SCAND3: variants seen among roughly 807,000 people sequenced by gnomAD.
The protein encoded by SCAND3 is SCAN domain-containing protein 3.
At chr6:28,584,912 T>G in the SCAND3 span, among the ~76,000 whole-genome samples, 1 of 152,232 alleles carries the variant, frequency 6.6e-6, no homozygotes, top group African/African-American at 2.4e-5. Flanking sequence ...CTTCCATCTT[T>G]TTTTCTTAAT....
At chr6:28,577,368 T>C in the SCAND3 span, among the ~76,000 whole-genome samples, 13 of 152,298 alleles carry the variant, frequency 8.5e-5, no homozygotes, top group East Asian at 7.7e-4. Flanking sequence ...TACTATCAAT[T>C]TGCATACCAA....
chr6:28,597,663 G>T, the SCAND3 span: 5 of 146,350 alleles, frequency 3.4e-5, no homozygotes, highest in African/African-American at 1.3e-4. Context: ...TATTAAATAC[G>T]TAGATCCTTG....
the SCAND3 span, among the ~76,000 whole-genome samples, chr6:28,583,366 A>G: frequency 6.6e-6 from 1 of 150,450 alleles, no homozygotes; most frequent in Non-Finnish European, 1.5e-5. Context: ...CAGGGGACAG[A>G]GCGAGACTCT....
chr6:28,575,402 G>A, the SCAND3 span: 10 of 1,613,994 alleles, frequency 6.2e-6, no homozygotes, highest in East Asian at 2.2e-5. The surrounding 1 kb of genome is among the most constrained non-coding windows in gnomAD (Gnocchi z 4.2). Context: ...TTGTCAGATT[G>A]TAGGACACTG....
the SCAND3 span, among the ~76,000 whole-genome samples, chr6:28,585,966 C>T: frequency 6.6e-6 from 1 of 152,282 alleles, no homozygotes; most frequent in South Asian, 2.1e-4. Context: ...TAATTAGTAA[C>T]AGAGCCTAGA....
At chr6:28,573,323 A>C in the SCAND3 span, 1 of 1,614,122 alleles carries the variant, frequency 6.2e-7, no homozygotes, top group Non-Finnish European at 8.5e-7. Context: ...GATTCACCCA[A>C]CATTTCCAAG....
chr6:28,605,481 C>T, the SCAND3 span, among the ~76,000 whole-genome samples: 56 of 152,018 alleles, frequency 3.7e-4, no homozygotes, highest in African/African-American at 4.3e-4. Flanking sequence ...CAATGGAGAA[C>T]GTATATCCTG....
chr6:28,597,016 C>T, the SCAND3 span, among the ~76,000 whole-genome samples: 2 of 152,266 alleles, frequency 1.3e-5, no homozygotes, highest in South Asian at 4.1e-4. Flanking sequence ...TATTCAGTTG[C>T]TCCTTCAGAA....
chr6:28,604,139 G>C, the SCAND3 span, among the ~76,000 whole-genome samples: 23 of 152,340 alleles, frequency 1.5e-4, 1 homozygote, highest in South Asian at 2.9e-3. Flanking sequence ...AGGGGAAAAA[G>C]ATTTGGCCCC....
chr6:28,608,844 C>T, the SCAND3 span, among the ~76,000 whole-genome samples: 7 of 151,602 alleles, frequency 4.6e-5, no homozygotes, highest in African/African-American at 1.7e-4. Flanking sequence ...TTTAAATTAG[C>T]AGGGCATGGT....
At chr6:28,606,837 C>A in the SCAND3 span, among the ~76,000 whole-genome samples, 2 of 152,202 alleles carry the variant, frequency 1.3e-5, no homozygotes, top group Admixed American at 6.5e-5. Flanking sequence ...TTGACGCCCC[C>A]CTACAGTTTC....
chr6:28,575,798 G>C, the SCAND3 span: 1 of 1,613,894 alleles, frequency 6.2e-7, no homozygotes, highest in African/African-American at 1.3e-5. The surrounding 1 kb of genome is among the most constrained non-coding windows in gnomAD (Gnocchi z 4.2). Flanking sequence ...TCCTCACTGT[G>C]TAAGTAATAC....
the SCAND3 span, among the ~76,000 whole-genome samples, chr6:28,615,093 T>C: frequency 3.9e-5 from 6 of 152,176 alleles, no homozygotes; most frequent in African/African-American, 1.2e-4. Context: ...AGACAATAGT[T>C]AATCTTGCCT....
chr6:28,608,465 C>T, the SCAND3 span, among the ~76,000 whole-genome samples: 2 of 152,084 alleles, frequency 1.3e-5, no homozygotes, highest in African/African-American at 4.8e-5. Flanking sequence ...ACTCATTTTA[C>T]AAACACATTT....
At chr6:28,573,248 G>C in the SCAND3 span, 1 of 1,614,114 alleles carries the variant, frequency 6.2e-7, no homozygotes, top group South Asian at 1.1e-5. Context: ...TCATTAGCCA[G>C]TTCCTGAATA....
At chr6:28,609,191 A>G in the SCAND3 span, among the ~76,000 whole-genome samples, 26 of 152,358 alleles carry the variant, frequency 1.7e-4, no homozygotes, top group Middle Eastern at 3.4e-3. Context: ...TAATTAAAGG[A>G]TTAACTATTG....
chr6:28,575,410 C>T, the SCAND3 span: 1 of 1,613,990 alleles, frequency 6.2e-7, no homozygotes, highest in East Asian at 2.2e-5. The surrounding 1 kb of genome is among the most constrained non-coding windows in gnomAD (Gnocchi z 4.2). Flanking sequence ...TTGTAGGACA[C>T]TGGGTGCTCC....
At chr6:28,584,643 G>A in the SCAND3 span, among the ~76,000 whole-genome samples, 2 of 152,112 alleles carry the variant, frequency 1.3e-5, no homozygotes, top group African/African-American at 2.4e-5. Flanking sequence ...CTGGATCAAT[G>A]CATCCAAATT....
chr6:28,606,502 C>CT, the SCAND3 span, among the ~76,000 whole-genome samples: 1 of 152,136 alleles, frequency 6.6e-6, no homozygotes, highest in Admixed American at 6.6e-5. Context: ...CCTAATTCAT[C>CT]TTTTTTTCAG....
Sources: allele counts gnomAD v4.1 joint callset (sites outside exome capture counted in the v4.1 genomes callset), GRCh38; gene constraint gnomAD v4.1.1; non-coding constraint Gnocchi (gnomAD v3.1); transcripts MANE v1.5; gene names NCBI Gene and HGNC (gene_info 2026-07-23, HGNC 2026-07-21).